Variants in ZNF532 observed in about 807,000 individuals in gnomAD.
ZNF532 encodes zinc finger protein 532.
Under a neutral mutation model 89.3 loss-of-function variants are expected in ZNF532, and 22 were observed. The observed-to-expected ratio is 0.25, with a 90% CI of 0.18 to 0.35. ZNF532 has a LOEUF of 0.35. Among genes scored for constraint, ZNF532 ranks in the 10% least tolerant of loss-of-function variants. ZNF532 has a pLI of 1.00. For synonymous variants in ZNF532, 606 were observed against 649.6 expected (o/e 0.93, Z 1.02); for missense variants, 1,132 against 1,643.4 (o/e 0.69, Z 5.38).
At chr18:58,932,062 G>C (rs1359720027) in intron 3 of ZNF532, among the ~76,000 whole-genome samples, 2 of 152,216 alleles carry the variant, frequency 1.3e-5, no homozygotes, top group Non-Finnish European at 2.9e-5. Flanking sequence ...TGCATCTACA[G>C]AAACTAAAGG....
intron 2 of ZNF532, among the ~76,000 whole-genome samples, chr18:58,878,320 G>A (rs2057609826): frequency 6.6e-6 from 1 of 152,124 alleles, no homozygotes; most frequent in South Asian, 2.1e-4. Flanking sequence ...GACATCAGAA[G>A]GCCAAAGATG....
chr18:58,901,629 T>C (rs963921274), intron 2 of ZNF532, among the ~76,000 whole-genome samples: 1 of 152,118 alleles, frequency 6.6e-6, no homozygotes, highest in Non-Finnish European at 1.5e-5. Flanking sequence ...TTTAAACCAG[T>C]GAGGGAGAGA....
intron 5 of ZNF532, among the ~76,000 whole-genome samples, chr18:58,943,215 A>C (rs113968701): frequency 7.1e-6 from 1 of 141,572 alleles, no homozygotes; most frequent in African/African-American, 2.6e-5. Context: ...GCTGGAGTGC[A>C]GTGGCGCGAT....
Position 58,892,095 on chromosome 18 carries a change from G to A in ZNF532, c.-17-26176G>A, listed in dbSNP as rs117185881. On this transcript the variant is annotated intron_variant, in intron 2 of 9. Coordinates refer to ENST00000591808, the MANE Select transcript of ZNF532 (RefSeq NM_001375912.1). ...CATAAAAATTATGATTTAAGCGCAT[G>A]AGTAAATTATTTTAATGTCTCCATT... is the stretch of plus-strand genomic sequence containing the variant. Among the ~76,000 whole-genome samples, 1,071 of 152,240 alleles carry A rather than the reference G, an allele frequency of 7.0e-3. 8 individuals are homozygous for A. Among genetic ancestry groups the A allele is most frequent in the South Asian group, 0.011 (54 of 4,826 alleles).
At chr18:58,871,363 C>A (rs1237729162) in intron 2 of ZNF532, among the ~76,000 whole-genome samples, 1 of 152,106 alleles carries the variant, frequency 6.6e-6, no homozygotes, top group East Asian at 1.9e-4. Flanking sequence ...AAGTAGCTGG[C>A]ACTATAGGCA....
chr18:58,875,251 T>G (rs1282721977), intron 2 of ZNF532, among the ~76,000 whole-genome samples: 1 of 152,250 alleles, frequency 6.6e-6, no homozygotes, highest in African/African-American at 2.4e-5. Flanking sequence ...ACTCAAGTGA[T>G]CTTTCCCACT....
intron 2 of ZNF532, among the ~76,000 whole-genome samples, chr18:58,878,896 C>G (rs181574458): frequency 6.6e-6 from 1 of 152,326 alleles, no homozygotes; most frequent in East Asian, 1.9e-4. Context: ...TCTTTTGCTT[C>G]CCCCTTAGTA....
At chr18:58,914,122 A>G (rs2060448760) in intron 2 of ZNF532, among the ~76,000 whole-genome samples, 1 of 152,242 alleles carries the variant, frequency 6.6e-6, no homozygotes, top group Non-Finnish European at 1.5e-5. Context: ...TTTTGACTTC[A>G]TAACTTTTGA....
At position 58,920,147 on chromosome 18, in the gene ZNF532, G is replaced by A; in HGVS notation, c.1860G>A (p.Glu620=). The A allele has an allele frequency of 1.9e-6, 3 of 1,613,976 alleles. No individual in the cohort carries two copies. The highest frequency in any genetic ancestry group is 2.5e-6 in the Non-Finnish European group (3 of 1,179,860). Residue 620 remains glutamate (E), a synonymous_variant, in exon 3 of 10, where the codon GAG becomes GAA. Transcript: ENST00000591808. The part of the protein sequence containing the change: ...TLPTRGYKCL[E]CGDSFALEKS... ...CGACGCGTGGGTACAAGTGCTTGGA[G>A]TGTGGGGACTCCTTTGCACTTGAAA...
At chr18:58,929,831 T>G (rs964806743) in intron 3 of ZNF532, among the ~76,000 whole-genome samples, 3 of 152,222 alleles carry the variant, frequency 2.0e-5, no homozygotes, top group Admixed American at 6.5e-5. Context: ...AGATCTGAAA[T>G]GAAATGCTTT....
intron 2 of ZNF532, among the ~76,000 whole-genome samples, chr18:58,897,719 G>A (rs1439599633): frequency 2.0e-5 from 3 of 152,212 alleles, no homozygotes; most frequent in East Asian, 1.9e-4. Flanking sequence ...TAGGGAGCCC[G>A]AGGCAGGCAG....
At chr18:58,941,814 C>CTTTTCT (rs2063063978) in intron 5 of ZNF532, among the ~76,000 whole-genome samples, 1 of 150,950 alleles carries the variant, frequency 6.6e-6, no homozygotes, top group Non-Finnish European at 1.5e-5. Flanking sequence ...TTCTTTGTTT[C>CTTTTCT]TTTTCTTTTT....
At chr18:58,900,491 G>GC (rs1487492398) in intron 2 of ZNF532, among the ~76,000 whole-genome samples, 1 of 152,106 alleles carries the variant, frequency 6.6e-6, no homozygotes, top group Non-Finnish European at 1.5e-5. Flanking sequence ...TTCTAGCCCT[G>GC]CCCTGCTCCC....
intron 2 of ZNF532, among the ~76,000 whole-genome samples, chr18:58,886,933 C>G (rs547470970): frequency 6.6e-6 from 1 of 152,106 alleles, no homozygotes; most frequent in African/African-American, 2.4e-5. Flanking sequence ...TAGTAATCTC[C>G]TTAGTTGGAG....
chr18:58,949,654 C>T (rs183221290), intron 6 of ZNF532, among the ~76,000 whole-genome samples: 1 of 152,084 alleles, frequency 6.6e-6, no homozygotes, highest in African/African-American at 2.4e-5. Context: ...CCAGCCTGGG[C>T]GACAGAGCAA....
In ZNF532 at chr18:58,938,841, C is replaced by T. The variant is rs77082416; in HGVS notation, c.2529-604C>T. Reference sequence around the variant, plus strand: ...TGCCAGAATCCAGCATATGTAACCTCTCCAAAAACAGTGGTCTGGAGATTT... The same window carrying T: ...TGCCAGAATCCAGCATATGTAACCTTTCCAAAAACAGTGGTCTGGAGATTT... On this transcript the variant is annotated intron_variant, in intron 4 of 9. Transcript: ENST00000591808. Among the ~76,000 whole-genome samples, 1,115 of 152,304 alleles carry T rather than the reference C, an allele frequency of 7.3e-3. 12 individuals are homozygous for T. Among genetic ancestry groups the T allele is most frequent in the African/African-American group, 0.025 (1,046 of 41,554 alleles).
At chr18:58,953,393 A>G (rs2064421428) in intron 6 of ZNF532, 125 bp from the exon 7 acceptor site, 5 of 804,290 alleles carry the variant, frequency 6.2e-6, no homozygotes, top group Middle Eastern at 3.3e-4. Context: ...TTCTTTATAT[A>G]TTAAATATTT....
At chr18:58,873,944 C>A (rs1249959422) in intron 2 of ZNF532, among the ~76,000 whole-genome samples, 1 of 152,164 alleles carries the variant, frequency 6.6e-6, no homozygotes, top group East Asian at 1.9e-4. Flanking sequence ...TATGTAAATT[C>A]TAAACCATAC....
At chr18:58,969,177 CG>C (rs2066217626) in intron 7 of ZNF532, among the ~76,000 whole-genome samples, 1 of 152,140 alleles carries the variant, frequency 6.6e-6, no homozygotes, top group Non-Finnish European at 1.5e-5. Context: ...GCCTGAGCCT[CG>C]GGGTGTGAGC....
Sources: allele counts gnomAD v4.1 joint callset (sites outside exome capture counted in the v4.1 genomes callset), GRCh38; gene constraint gnomAD v4.1.1; transcripts MANE v1.5; gene names NCBI Gene and HGNC (gene_info 2026-07-23, HGNC 2026-07-21).